ARID2: variants seen among roughly 807,000 people sequenced by gnomAD.
ARID2 encodes the protein AT-rich interaction domain 2, also known as AT-rich interactive domain-containing protein 2.
A neutral mutation model predicts 184.6 loss-of-function variants in ARID2; 32 were observed. The observed-to-expected ratio is 0.17, with a 90% CI of 0.13 to 0.23. The LOEUF is 0.23. ARID2 is among the 10% of genes least tolerant of loss of function. The pLI, the probability that ARID2 is intolerant of heterozygous loss-of-function variation, is 1.00. For synonymous variants in ARID2, 836 were observed against 772.6 expected (o/e 1.08, Z -1.36); for missense variants, 1,696 against 2,197.6 (o/e 0.77, Z 4.56).
At chr12:45,739,975 C>G (rs1163780477) in intron 3 of ARID2, among the ~76,000 whole-genome samples, 1 of 152,186 alleles carries the variant, frequency 6.6e-6, no homozygotes, top group Non-Finnish European at 1.5e-5. Flanking sequence ...AGTGAATTTG[C>G]AATACGCTTG....
At chr12:45,859,266 G>A (rs1034938607) in intron 15 of ARID2, among the ~76,000 whole-genome samples, 8 of 152,178 alleles carry the variant, frequency 5.3e-5, no homozygotes, top group East Asian at 3.9e-4. Flanking sequence ...ATTGTGTTAC[G>A]GTTGCCTATA....
At chr12:45,817,629 C>G (rs1217690157) in intron 4 of ARID2, 41 bp from the exon 5 acceptor site, 3 of 1,457,670 alleles carry the variant, frequency 2.1e-6, no homozygotes, top group African/African-American at 2.8e-5. Context: ...ATAAAGGTAT[C>G]TGATCTTTGA....
chr12:45,893,775 A>T (rs1002536702), intron 20 of ARID2, 54 bp downstream of exon 20: 4 of 1,334,120 alleles, frequency 3.0e-6, no homozygotes, highest in Middle Eastern at 2.7e-4. Flanking sequence ...TTATTTTTAC[A>T]TATAAGTTAA....
intron 3 of ARID2, among the ~76,000 whole-genome samples, chr12:45,801,087 C>T (rs562679765): frequency 2.0e-5 from 3 of 152,112 alleles, no homozygotes; most frequent in African/African-American, 7.2e-5. Context: ...CTGAGGTGGG[C>T]GGATCACGAG....
At chr12:45,830,964 A>T (rs1036783395) in intron 6 of ARID2, among the ~76,000 whole-genome samples, 3 of 151,952 alleles carry the variant, frequency 2.0e-5, no homozygotes, top group Non-Finnish European at 4.4e-5. Flanking sequence ...AGGCTGAGGC[A>T]GGAGAATCAC....
At chr12:45,885,190 A>G (rs1410137656) in intron 16 of ARID2, among the ~76,000 whole-genome samples, 1 of 151,748 alleles carries the variant, frequency 6.6e-6, no homozygotes, top group South Asian at 2.1e-4. Flanking sequence ...TCTTATTTGA[A>G]TATATAATAA....
intron 16 of ARID2, among the ~76,000 whole-genome samples, chr12:45,863,417 A>G (rs974542372): frequency 1.3e-5 from 2 of 152,190 alleles, no homozygotes; most frequent in African/African-American, 2.4e-5. Context: ...TATCATATCA[A>G]AAATACTAGT....
At position 45,905,764 on chromosome 12, in the gene ARID2, G is replaced by C. The variant is rs887060260; in HGVS notation, c.*686G>C. The C allele has an allele frequency of 4.3e-6, 1 of 232,780 alleles. No individual in the cohort carries two copies. Among genetic ancestry groups the C allele is most frequent in the Non-Finnish European group, 8.5e-6 (1 of 117,672 alleles). 14.4% of individuals were successfully genotyped at this position (232,780 alleles called of 1,614,324 possible). A position where few individuals can be genotyped will look rare whatever the true frequency, so the allele number is the denominator to read the frequency against. On this transcript the variant is annotated 3_prime_UTR_variant, in exon 21 of 21. Coordinates refer to ENST00000334344, the MANE Select transcript of ARID2 (RefSeq NM_152641.4). ...TGGAAATACATTCTGTGGTGTCCTAGAAGCATTATTGGTAGGTTCTAAAGT... is the reference window on the plus strand; with the variant it reads ...TGGAAATACATTCTGTGGTGTCCTACAAGCATTATTGGTAGGTTCTAAAGT...
chr12:45,839,814 G>A lies in ARID2; in HGVS notation c.1498+318G>A, dbSNP rs1026552796. 17 of 217,646 alleles carry A rather than the reference G, an allele frequency of 7.8e-5. No individual in the cohort carries two copies. In the East Asian group the frequency reaches 1.3e-3, roughly 17 times the overall value. The allele number at this position is 217,646 out of a possible 1,614,324, so 13.5% of individuals were successfully genotyped here. On this transcript the variant is annotated intron_variant, in intron 11 of 20. Transcript: ENST00000334344. The stretch of plus-strand genomic sequence containing the variant: ...ATATTATTTGTGATTTTGGTCATGG[G>A]AAATTGACATGCCAGGAATAGATTA...
intron 3 of ARID2, among the ~76,000 whole-genome samples, chr12:45,779,548 G>A (rs1942049596): frequency 1.3e-5 from 2 of 152,066 alleles, no homozygotes; most frequent in Non-Finnish European, 2.9e-5. Flanking sequence ...ATTGTCAACA[G>A]CCAGGAGATT....
intron 6 of ARID2, among the ~76,000 whole-genome samples, chr12:45,827,977 G>A (rs1943033936): frequency 6.6e-6 from 1 of 151,970 alleles, no homozygotes; most frequent in African/African-American, 2.4e-5. Flanking sequence ...CATTGACTTT[G>A]TAATTTAATA....
Position 45,850,636 on chromosome 12 carries a change from C to T in ARID2, c.2513C>T (p.Ala838Val), listed in dbSNP as rs2138163727. Residue 838 changes from alanine (A) to valine (V), a missense_variant, in exon 15 of 21, where the codon GCT (alanine) becomes GTT (valine). Physicochemically the swap from Ala to Val is moderately conservative, Grantham distance 64. Transcript: ENST00000334344. Reference sequence around the variant, plus strand: ...CAAACTTCATCTCAACAGACATCAGCTGGTAGCCAGTCACAAGATACTGTT... The same window carrying T: ...CAAACTTCATCTCAACAGACATCAGTTGGTAGCCAGTCACAAGATACTGTT... ...PVQTSSQQTS[A>V]GSQSQDTVII... 6.2e-7 allele frequency: 1 copy of T among 1,614,164 alleles called. No individual in the cohort carries two copies. The highest frequency in any genetic ancestry group is 8.5e-7 in the Non-Finnish European group (1 of 1,180,002).
In ARID2 at chr12:45,732,720, A is replaced by C. The variant is rs144411125; in HGVS notation, c.284+1406A>C. On this transcript the variant is annotated intron_variant, in intron 3 of 20. Coordinates refer to ENST00000334344, the MANE Select transcript of ARID2 (RefSeq NM_152641.4). ...TCAGTTTAAAGCATTTGAATTTTGGACTGTTTGAAATACATATTTTTGAAG... is the reference window on the plus strand; with the variant it reads ...TCAGTTTAAAGCATTTGAATTTTGGCCTGTTTGAAATACATATTTTTGAAG... Among the ~76,000 whole-genome samples, 31 of 152,240 alleles carry C rather than the reference A, an allele frequency of 2.0e-4. 3 individuals carry two copies. Among genetic ancestry groups the C allele is most frequent in the African/African-American group, 7.5e-4 (31 of 41,556 alleles).
chr12:45,883,373 T>C (rs1448628883), intron 16 of ARID2, among the ~76,000 whole-genome samples: 1 of 151,300 alleles, frequency 6.6e-6, no homozygotes, highest in Non-Finnish European at 1.5e-5. Flanking sequence ...CAAATCATGT[T>C]GAAGACATTT....
At chr12:45,796,298 T>A (rs889001111) in intron 3 of ARID2, among the ~76,000 whole-genome samples, 3 of 152,080 alleles carry the variant, frequency 2.0e-5, no homozygotes, top group African/African-American at 7.2e-5. Flanking sequence ...TGTTATTAAG[T>A]ATTCTTTTAC....
At chr12:45,736,626 C>T (rs1021107834) in intron 3 of ARID2, among the ~76,000 whole-genome samples, 19 of 152,058 alleles carry the variant, frequency 1.2e-4, no homozygotes, top group Non-Finnish European at 1.9e-4. Flanking sequence ...ATGGAGCAGA[C>T]GGATGGGGTT....
Position 45,850,785 on chromosome 12 carries a change from G to T in ARID2, c.2662G>T (p.Ala888Ser), listed in dbSNP as rs1565622793. 6.2e-7 allele frequency: 1 copy of T among 1,614,102 alleles called. No homozygotes were observed. The highest frequency in any genetic ancestry group is 1.1e-5 in the South Asian group (1 of 91,088). Residue 888 changes from alanine to serine, a missense_variant, in exon 15 of 21, where the codon GCC becomes TCC. This residue lies in a region of ARID2 where 713 missense variants were observed against 824.4 expected (regional missense o/e 0.86). Coordinates refer to ENST00000334344, the MANE Select transcript of ARID2 (RefSeq NM_152641.4). ...TATTGCTGGTGTCCCAAGTCCACAA[G>T]CCTCAAGGGTAGGGTTTCAGAACAT... ...VTIAGVPSPQ[A>S]SRVGFQNIAP...
At chr12:45,752,094 A>G in intron 3 of ARID2, among the ~76,000 whole-genome samples, 1 of 152,196 alleles carries the variant, frequency 6.6e-6, no homozygotes, top group East Asian at 1.9e-4. Context: ...TTTAAACCTA[A>G]TTTTCTTCTG....
At position 45,729,823 on chromosome 12, in the gene ARID2, C is replaced by G. The variant is rs375590924; in HGVS notation, c.-14C>G. 6,369 of 1,601,770 alleles carry G rather than the reference C, an allele frequency of 4.0e-3. 293 individuals carry two copies. In the South Asian group the frequency reaches 0.067, roughly 17 times the overall value. On this transcript the variant is annotated 5_prime_UTR_variant, in exon 1 of 21. Coordinates refer to ENST00000334344, the MANE Select transcript of ARID2 (RefSeq NM_152641.4). The stretch of plus-strand genomic sequence containing the variant: ...ACCGATCTGGGTTTTTTAAAAACCT[C>G]CTTTGAAAAAATAATGGCAAACTCG...
Sources: allele counts gnomAD v4.1 joint callset (sites outside exome capture counted in the v4.1 genomes callset), GRCh38; gene constraint gnomAD v4.1.1; regional missense constraint gnomAD v4.1.1; transcripts MANE v1.5; gene names NCBI Gene and HGNC (gene_info 2026-07-23, HGNC 2026-07-21).